DNAH11: variants seen among roughly 807,000 people sequenced by gnomAD.
The protein encoded by DNAH11 is axonemal beta dynein heavy chain 11.
DNAH11 carries 442 observed loss-of-function variants against 526.0 expected under a neutral mutation model. The ratio of observed to expected loss-of-function variants is 0.84; its 90% CI spans 0.78 to 0.91. The LOEUF (loss-of-function observed/expected upper bound fraction) is 0.91. Ranked by LOEUF, DNAH11 falls within the 40% of genes least tolerant of loss-of-function variation. The pLI is 0.00. For synonymous variants in DNAH11, 2,461 were observed against 1,935.9 expected (o/e 1.27, Z -7.12); for missense variants, 6,989 against 5,448.7 (o/e 1.28, Z -8.90).
intron 41 of DNAH11, among the ~76,000 whole-genome samples, chr7:21,711,343 T>A (rs977789666): frequency 1.3e-5 from 2 of 152,212 alleles, no homozygotes; most frequent in Non-Finnish European, 2.9e-5. Flanking sequence ...AGGTTTGGGA[T>A]CTTTATACTT....
chr7:21,885,933 C>T (rs1054813046), intron 76 of DNAH11, among the ~76,000 whole-genome samples: 4 of 152,106 alleles, frequency 2.6e-5, no homozygotes, highest in African/African-American at 9.7e-5. Context: ...GGAAAAAGTA[C>T]TCCATTTTTG....
intron 65 of DNAH11, among the ~76,000 whole-genome samples, chr7:21,837,511 A>G (rs1290354956): frequency 6.6e-6 from 1 of 152,162 alleles, no homozygotes; most frequent in Non-Finnish European, 1.5e-5. Context: ...CATTCGTGTT[A>G]TCTAAAAAAG....
intron 76 of DNAH11, among the ~76,000 whole-genome samples, chr7:21,887,943 CT>C (rs1416352988): frequency 6.6e-6 from 1 of 152,146 alleles, no homozygotes; most frequent in Non-Finnish European, 1.5e-5. Context: ...CCATACTGCC[CT>C]GGCTGGAGTG....
intron 63 of DNAH11, 32 bp from the exon 64 acceptor site, chr7:21,816,435 C>G: frequency 1.3e-6 from 2 of 1,530,214 alleles, no homozygotes; most frequent in East Asian, 2.4e-5. Context: ...TGCCACATGA[C>G]CAATTTGTTG....
At chr7:21,717,101 G>A (rs1167071409) in intron 42 of DNAH11, among the ~76,000 whole-genome samples, 1 of 151,882 alleles carries the variant, frequency 6.6e-6, no homozygotes. Context: ...GACTACTATA[G>A]GTGCTACTAA....
rs1209069973 is a variant in DNAH11 at position 21,899,327 on chromosome 7, A to G, written c.13050-9A>G. Reference sequence around the variant, plus strand: ...CAGCAAGTTTTTCTTCCTCCCTCCCATAAACCAGGTTCAATGACCTCCTCC... The same window carrying G: ...CAGCAAGTTTTTCTTCCTCCCTCCCGTAAACCAGGTTCAATGACCTCCTCC... On this transcript the variant is annotated splice_polypyrimidine_tract_variant and intron_variant, in intron 79 of 81. Coordinates refer to ENST00000409508, the MANE Select transcript of DNAH11 (RefSeq NM_001277115.2). The G allele has an allele frequency of 3.7e-6, 6 of 1,612,340 alleles. No homozygotes were observed. The Admixed American group carries it at 5.0e-5, about 13-fold the overall frequency.
chr7:21,786,529 G>A (rs749023256), intron 58 of DNAH11, 95 bp from the exon 59 acceptor site: 32 of 1,422,124 alleles, frequency 2.3e-5, no homozygotes, highest in Non-Finnish European at 2.9e-5. Flanking sequence ...AAGGAGAAGT[G>A]GGAGTCCACT....
intron 2 of DNAH11, among the ~76,000 whole-genome samples, chr7:21,554,645 C>T (rs1008045201): frequency 6.6e-6 from 1 of 152,106 alleles, no homozygotes; most frequent in Non-Finnish European, 1.5e-5. Context: ...ATCATTTCAG[C>T]CCAGGTATAA....
chr7:21,864,418 G>C, intron 69 of DNAH11, 117 bp from the exon 70 acceptor site: 1 of 902,532 alleles, frequency 1.1e-6, no homozygotes, highest in Non-Finnish European at 1.6e-6. Flanking sequence ...GTCAAGTGGA[G>C]TTCCCAGCAG....
Position 21,735,824 on chromosome 7 carries a change from C to T in DNAH11, c.7625C>T (p.Thr2542Met), listed in dbSNP as rs772521645. 2 of 1,612,024 alleles carry T rather than the reference C, an allele frequency of 1.2e-6. No individual in the cohort carries two copies. Among genetic ancestry groups the T allele is most frequent in the South Asian group, 1.1e-5 (1 of 90,756 alleles). ...IVSRVPFNYY[T>M]TSTALQKILE... ...TCCCGTGTGCCTTTCAACTACTACA[C>T]GACATCCACAGCTCTGCAAAGTAAG... Residue 2542 changes from threonine to methionine, a missense_variant, in exon 46 of 82, where the codon ACG (threonine) becomes ATG (methionine). Transcript: ENST00000409508.
Position 21,838,849 on chromosome 7 carries a change from G to C in DNAH11, c.10692-3695G>C, listed in dbSNP as rs1027455963. Among the ~76,000 whole-genome samples, 12 of 152,120 alleles carry C rather than the reference G, an allele frequency of 7.9e-5. No homozygotes were observed. In the East Asian group the frequency reaches 2.1e-3, roughly 27 times the overall value. ...AGGCTCAGGTGATCCTCCCACCTCA[G>C]CCTCCTAAGTAGCTGGGACTACAGG... On this transcript the variant is annotated intron_variant, in intron 65 of 81. Transcript: ENST00000409508.
At chr7:21,689,687 G>T (rs1783528157) in intron 34 of DNAH11, among the ~76,000 whole-genome samples, 1 of 152,070 alleles carries the variant, frequency 6.6e-6, no homozygotes, top group South Asian at 2.1e-4. Context: ...TTTTTATCTT[G>T]ACTATACAAA....
At position 21,867,849 on chromosome 7, in the gene DNAH11, T is replaced by A. The variant is rs191073674; in HGVS notation, c.11691-10T>A. On this transcript the variant is annotated splice_polypyrimidine_tract_variant and intron_variant, in intron 71 of 81. Coordinates refer to ENST00000409508, the MANE Select transcript of DNAH11 (RefSeq NM_001277115.2). The stretch of plus-strand genomic sequence containing the variant: ...CACTGATCATGTTTTTATATTCTTG[T>A]TTTTTATAGAAATTTTGTAGAGGAA... The A allele has an allele frequency of 1.5e-4, 238 of 1,559,392 alleles. 1 individual carries two copies. In the African/African-American group the frequency reaches 2.8e-3, roughly 19 times the overall value.
chr7:21,763,358 A>AAAAGAAAAG (rs373202036), intron 54 of DNAH11, among the ~76,000 whole-genome samples: 28 of 134,724 alleles, frequency 2.1e-4, no homozygotes, highest in East Asian at 6.3e-4. Context: ...AAAAAAAAAG[A>AAAAGAAAAG]AAAAAAAAAA....
intron 44 of DNAH11, 51 bp from the exon 45 acceptor site, chr7:21,725,758 TAC>T (rs535378862): frequency 3.4e-5 from 52 of 1,528,946 alleles, no homozygotes; most frequent in Non-Finnish European, 4.1e-5. Context: ...TTTCTTTTTT[TAC>T]AGTTTTAATT....
intron 77 of DNAH11, among the ~76,000 whole-genome samples, chr7:21,893,148 T>C (rs1275813449): frequency 6.6e-6 from 1 of 152,230 alleles, no homozygotes; most frequent in Non-Finnish European, 1.5e-5. Context: ...CTGCAGTCAA[T>C]ATGCAAAGGT....
intron 45 of DNAH11, among the ~76,000 whole-genome samples, chr7:21,727,908 T>C (rs1040020931): frequency 7.2e-5 from 11 of 152,352 alleles, no homozygotes; most frequent in South Asian, 4.1e-4. Flanking sequence ...CTCGGTTTGC[T>C]GATAGGCATC....
intron 65 of DNAH11, among the ~76,000 whole-genome samples, chr7:21,822,356 AC>A (rs1790092327): frequency 1.3e-5 from 2 of 152,130 alleles, no homozygotes; most frequent in African/African-American, 2.4e-5. Context: ...CTTTTAAACA[AC>A]CATATTTCAA....
chr7:21,733,506 A>C (rs771579563), intron 45 of DNAH11, among the ~76,000 whole-genome samples: 1 of 152,216 alleles, frequency 6.6e-6, no homozygotes, highest in Non-Finnish European at 1.5e-5. Context: ...GCTACCTACA[A>C]GTATGATCTA....
Sources: gnomAD v4.1 joint callset for allele counts (sites outside exome capture counted in the v4.1 genomes callset) on GRCh38, gnomAD v4.1.1 for gene constraint, MANE v1.5 for transcripts, NCBI Gene and HGNC (gene_info 2026-07-23, HGNC 2026-07-21) for gene names.